Variants in SKI observed in about 807,000 individuals in gnomAD.
The protein encoded by SKI is ski oncogene.
SKI carries 23 observed loss-of-function variants against 59.3 expected under a neutral mutation model. The observed-to-expected ratio is 0.39, with a 90% CI of 0.28 to 0.55. The LOEUF is 0.55. Ranked by LOEUF, SKI falls within the 20% of genes least tolerant of loss-of-function variation. The probability of loss-of-function intolerance (pLI) is 0.67; values close to 1 mark genes in which losing one functional copy is unlikely to be tolerated. For synonymous variants in SKI, 673 were observed against 488.6 expected, an observed-to-expected ratio of 1.38 and a Z score of -4.98; for missense variants, 1,017 against 1,038.9, an observed-to-expected ratio of 0.98 and a Z score of 0.29.
chr1:2,284,884 C>G (rs1019380967), intron 1 of SKI, among the ~76,000 whole-genome samples: 6 of 152,254 alleles, frequency 3.9e-5, no homozygotes, highest in Non-Finnish European at 7.3e-5. Flanking sequence ...CTCCGCAGTG[C>G]AGTGTGGAGG....
Position 2,269,751 on chromosome 1 carries a change from G to C in SKI, c.970-33227G>C, listed in dbSNP as rs1488049754. On this transcript the variant is annotated intron_variant, in intron 1 of 6. Coordinates refer to ENST00000378536, the MANE Select transcript of SKI (RefSeq NM_003036.4). The surrounding 1 kb of genome is among the most constrained non-coding windows in gnomAD (Gnocchi z 4.7). ...CAGGGCTGGCAGGAGGCTGCTTCAGGGCTCTGGACCAGAGCAGTGTGTGGC... is the reference window on the plus strand; with the variant it reads ...CAGGGCTGGCAGGAGGCTGCTTCAGCGCTCTGGACCAGAGCAGTGTGTGGC... Among the ~76,000 whole-genome samples, 1 of 152,094 alleles carries C rather than the reference G, an allele frequency of 6.6e-6. No homozygotes were observed. The highest frequency in any genetic ancestry group is 1.5e-5 in the Non-Finnish European group (1 of 68,034).
intron 1 of SKI, among the ~76,000 whole-genome samples, chr1:2,293,116 C>T (rs752668019): frequency 4.6e-5 from 7 of 152,262 alleles, no homozygotes; most frequent in Non-Finnish European, 7.4e-5. Context: ...CCCACAAGGA[C>T]GGAGGCTCAG....
chr1:2,246,202 G>A (rs1638991307), intron 1 of SKI, among the ~76,000 whole-genome samples: 1 of 152,196 alleles, frequency 6.6e-6, no homozygotes, highest in African/African-American at 2.4e-5. Context: ...TCCAGCACTT[G>A]TTCTGTTTTT....
rs764593197 is a variant in SKI at position 2,303,701 on chromosome 1, G to A, written c.1212-139G>A. 1.7e-5 allele frequency: 21 copies of A among 1,209,058 alleles called. No homozygotes were observed. The highest frequency in any genetic ancestry group is 2.2e-5 in the Non-Finnish European group (19 of 853,506). 74.9% of individuals were successfully genotyped at this position (1,209,058 alleles called of 1,614,324 possible). A position where few individuals can be genotyped will look rare whatever the true frequency, so the allele number is the denominator to read the frequency against. On this transcript the variant is annotated intron_variant, in intron 3 of 6. Transcript: ENST00000378536. This position sits in a 1 kb window ranked among gnomAD's most constrained non-coding sequence, Gnocchi z 5.6. ...CAGAAAACGCTTACGGGTTCTTAGG[G>A]AACTGTAAGCTTGACTTGAAGATTC...
rs560542300 is a variant in SKI at position 2,303,954 on chromosome 1, C to T, written c.1326C>T (p.Ala442=). ...CGTGTGCCGCCGCCGTCTCCCGGGC[C>T]CCCGAGCCTCTCGCCACTTGCACCC... ...SPPCAAAVSR[A]PEPLATCTQP... The change falls in exon 4 of 7, where the codon GCC becomes GCT. Residue 442 remains alanine, a synonymous_variant. Coordinates refer to ENST00000378536, the MANE Select transcript of SKI (RefSeq NM_003036.4). The surrounding 1 kb of genome is among the most constrained non-coding windows in gnomAD (Gnocchi z 5.6). 6 of 1,611,944 alleles carry T rather than the reference C, an allele frequency of 3.7e-6. No homozygotes were observed. Among genetic ancestry groups the T allele is most frequent in the Non-Finnish European group, 4.2e-6 (5 of 1,179,678 alleles).
At chr1:2,274,499 G>C (rs1390780035) in intron 1 of SKI, among the ~76,000 whole-genome samples, 3 of 152,212 alleles carry the variant, frequency 2.0e-5, no homozygotes, top group African/African-American at 7.2e-5. Flanking sequence ...TGTCCTGGTC[G>C]TGGCCGCGTG....
In SKI at chr1:2,304,487, G is replaced by A. The variant is rs1437730179; in HGVS notation, c.1669G>A (p.Glu557Lys). 1 of 1,578,538 alleles carries A rather than the reference G, an allele frequency of 6.3e-7. No individual in the cohort carries two copies. Among genetic ancestry groups the A allele is most frequent in the Non-Finnish European group, 8.6e-7 (1 of 1,163,908 alleles). Residue 557 changes from glutamate (E) to lysine (K), a missense_variant, in exon 5 of 7, where the codon GAA becomes AAA. Transcript: ENST00000378536. ...ACTGGAGGGCGGCCTGGACACCAAGGAAGCCAAAGAGAAGTTCCTGCATGA... is the reference window on the plus strand; with the variant it reads ...ACTGGAGGGCGGCCTGGACACCAAGAAAGCCAAAGAGAAGTTCCTGCATGA... Reference protein sequence around the residue: ...QALEGGLDTKEAKEKFLHEVV... With the variant: ...QALEGGLDTKKAKEKFLHEVV...
At chr1:2,239,707 G>A (rs1270596158) in intron 1 of SKI, among the ~76,000 whole-genome samples, 5 of 152,236 alleles carry the variant, frequency 3.3e-5, no homozygotes, top group South Asian at 2.1e-4. Context: ...TGGGAGAGGC[G>A]AGAACCCCTC....
At position 2,231,981 on chromosome 1, in the gene SKI, C is replaced by G. The variant is rs535521312; in HGVS notation, c.969+2246C>G. Among the ~76,000 whole-genome samples the G allele has an allele frequency of 2.3e-3, 343 of 152,342 alleles. 2 individuals are homozygous for G. Among genetic ancestry groups the G allele is most frequent in the Non-Finnish European group, 3.7e-3 (255 of 68,036 alleles). ...CTCCTCAGGACAGCCGTGTGCGTGT[C>G]TCTGTGTGCACAGGAGCGACACATG... On this transcript the variant is annotated intron_variant, in intron 1 of 6. Transcript: ENST00000378536.
chr1:2,248,621 G>A (rs1229161766), intron 1 of SKI, among the ~76,000 whole-genome samples: 3 of 152,256 alleles, frequency 2.0e-5, no homozygotes, highest in Non-Finnish European at 4.4e-5. Context: ...CAGAAAAGCC[G>A]TGGGGCAGCC....
chr1:2,265,772 G>T (rs888392637), intron 1 of SKI, among the ~76,000 whole-genome samples: 2 of 152,052 alleles, frequency 1.3e-5, no homozygotes, highest in African/African-American at 4.8e-5. Flanking sequence ...TTTGAGACCA[G>T]CCTGGGCAAC....
intron 1 of SKI, among the ~76,000 whole-genome samples, chr1:2,299,527 G>A (rs979424977): frequency 2.1e-4 from 32 of 152,166 alleles, no homozygotes; most frequent in African/African-American, 5.6e-4. Flanking sequence ...CGTCTCCCTC[G>A]GCAGCTGTCC....
intron 1 of SKI, among the ~76,000 whole-genome samples, chr1:2,256,935 G>A (rs954098269): frequency 1.3e-5 from 2 of 152,190 alleles, no homozygotes; most frequent in South Asian, 2.1e-4. Context: ...GATGGTGCCC[G>A]TGGCATCTTC....
At chr1:2,305,912 A>C in intron 5 of SKI, 108 bp from the exon 6 acceptor site, 1 of 878,976 alleles carries the variant, frequency 1.1e-6, no homozygotes, top group Non-Finnish European at 1.9e-6. Flanking sequence ...GCTCCAGGGC[A>C]CATTGTCAGA....
In SKI at chr1:2,304,302, C is replaced by T; in HGVS notation, c.1484C>T (p.Ser495Phe). The T allele has an allele frequency of 2.6e-6, 4 of 1,551,720 alleles. No individual in the cohort carries two copies. Among genetic ancestry groups the T allele is most frequent in the Non-Finnish European group, 3.5e-6 (4 of 1,146,928 alleles). Residue 495 changes from serine (S) to phenylalanine (F), a missense_variant, in exon 5 of 7, where the codon TCC becomes TTC. Coordinates refer to ENST00000378536, the MANE Select transcript of SKI (RefSeq NM_003036.4). ...TCTGCTTCCTCCTCAGTCACCTCCTCCTTGTCCTCGCTCTCTTCCCCGTCC... is the reference window on the plus strand; with the variant it reads ...TCTGCTTCCTCCTCAGTCACCTCCTTCTTGTCCTCGCTCTCTTCCCCGTCC... ...EVESREEFTS[S>F]LSSLSSPSFT...
Position 2,229,576 on chromosome 1 carries a change from G to A in SKI, c.810G>A (p.Arg270=), listed in dbSNP as rs748758256. The change falls in exon 1 of 7, where the codon CGG becomes CGA. Residue 270 remains arginine, a synonymous_variant. Coordinates refer to ENST00000378536, the MANE Select transcript of SKI (RefSeq NM_003036.4). This position sits in a 1 kb window ranked among gnomAD's most constrained non-coding sequence, Gnocchi z 6.3. ...ACTCGCACAAGGCCCTGGAGAACCG[G>A]ACCTGCCACTGGGGCTTCGACTCGG... ...VVHSHKALEN[R]TCHWGFDSAN... 1 of 1,611,556 alleles carries A rather than the reference G, an allele frequency of 6.2e-7. No individual in the cohort carries two copies. The highest frequency in any genetic ancestry group is 1.1e-5 in the South Asian group (1 of 91,084).
At position 2,243,092 on chromosome 1, in the gene SKI, G is replaced by A. The variant is rs192514167; in HGVS notation, c.969+13357G>A. 2.0e-5 allele frequency among the ~76,000 whole-genome samples: 3 copies of A among 152,374 alleles called. No individual in the cohort carries two copies. In the East Asian group the frequency reaches 5.8e-4, roughly 29 times the overall value. On this transcript the variant is annotated intron_variant, in intron 1 of 6. Transcript: ENST00000378536. ...GCCCTGCTCTGCTCAGCAGCTTTGG[G>A]ATATGAGTGCCTTGGGTGCCTGGTG...
Position 2,303,648 on chromosome 1 carries a change from G to A in SKI, c.1212-192G>A. ...GCAGCTTCTTGATGTGTTGGCCTGT[G>A]TCTGGCCTTCGCAAGAGACCCAGCA... On this transcript the variant is annotated intron_variant, in intron 3 of 6. Transcript: ENST00000378536. This position sits in a 1 kb window ranked among gnomAD's most constrained non-coding sequence, Gnocchi z 5.6. The A allele has an allele frequency of 1.3e-6, 1 of 798,162 alleles. No homozygotes were observed. The highest frequency in any genetic ancestry group is 2.0e-6 in the Non-Finnish European group (1 of 500,338). 49.4% of individuals were successfully genotyped at this position (798,162 alleles called of 1,614,324 possible).
intron 1 of SKI, among the ~76,000 whole-genome samples, chr1:2,253,374 T>C (rs1275781277): frequency 6.6e-6 from 1 of 152,176 alleles, no homozygotes; most frequent in South Asian, 2.1e-4. Flanking sequence ...CCCCAGACTT[T>C]AGGTGTCTGG....
Sources: gnomAD v4.1 joint callset for allele counts (sites outside exome capture counted in the v4.1 genomes callset) on GRCh38, gnomAD v4.1.1 for gene constraint, Gnocchi (gnomAD v3.1) non-coding constraint, MANE v1.5 for transcripts, NCBI Gene and HGNC (gene_info 2026-07-23, HGNC 2026-07-21) for gene names.